Variants in TMEM116 observed in about 807,000 individuals in gnomAD.
TMEM116 encodes the protein transmembrane protein 116.
A neutral mutation model predicts 44.3 loss-of-function variants in TMEM116; 38 were observed. That is an observed-to-expected ratio of 0.86 (90% CI 0.66 to 1.12). The LOEUF (loss-of-function observed/expected upper bound fraction) is 1.12. Ranked by LOEUF, TMEM116 falls within the 50% of genes most tolerant of loss-of-function variation. The pLI, the probability that TMEM116 is intolerant of heterozygous loss-of-function variation, is 0.00. For synonymous variants in TMEM116, 132 were observed against 144.8 expected (o/e 0.91, Z 0.64); for missense variants, 354 against 401.7 (o/e 0.88, Z 1.01).
intron 4 of TMEM116, among the ~76,000 whole-genome samples, chr12:111,989,972 C>T (rs1305559070): frequency 2.0e-5 from 3 of 152,022 alleles, no homozygotes; most frequent in African/African-American, 7.2e-5. Context: ...AATAAAGTAA[C>T]AGGCCGGGTG....
At position 111,945,942 on chromosome 12, in the gene TMEM116, C is replaced by G. The variant is rs200684073; in HGVS notation, c.211-2573G>C. On this transcript the variant is annotated intron_variant, in intron 4 of 10. Transcript: ENST00000552374. ...ATTCAACACTTTATTATAAAATAGG[C>G]TTTGTGTTTTGCCCAACTGTAGGCT... Among the ~76,000 whole-genome samples, 6 of 152,100 alleles carry G rather than the reference C, an allele frequency of 3.9e-5. No individual in the cohort carries two copies. The East Asian group carries it at 1.2e-3, about 29-fold the overall frequency.
rs529007806 is a variant in TMEM116, at chr12:112,003,947, C to T, written c.15-84G>A. The T allele has an allele frequency of 5.7e-6, 8 of 1,408,354 alleles. No individual in the cohort carries two copies. In the South Asian group the frequency reaches 1.1e-4, roughly 19 times the overall value. 87.2% of individuals were successfully genotyped at this position (1,408,354 alleles called of 1,614,324 possible). On this transcript the variant is annotated intron_variant, in intron 2 of 10. Transcript: ENST00000552374. ...TGTTATTAATTTTGGGTTTTTTTTA[C>T]AGTTTTATTGGCATAATTGATATAA... is the stretch of plus-strand genomic sequence containing the variant.
intron 4 of TMEM116, among the ~76,000 whole-genome samples, chr12:111,949,571 T>C (rs1291242049): frequency 6.6e-6 from 1 of 152,218 alleles, no homozygotes; most frequent in Non-Finnish European, 1.5e-5. Flanking sequence ...ACTAAACTAT[T>C]TTACAAACAA....
chr12:112,004,033 T>A (rs1383342056), intron 2 of TMEM116, among the ~76,000 whole-genome samples, 170 bp from the exon 3 acceptor site: 1 of 152,146 alleles, frequency 6.6e-6, no homozygotes. Context: ...CAGGCTGGAG[T>A]GCAGTGGTGT....
intron 4 of TMEM116, among the ~76,000 whole-genome samples, chr12:111,988,714 G>T (rs1403365647): frequency 2.0e-5 from 3 of 150,032 alleles, no homozygotes; most frequent in African/African-American, 7.4e-5. Flanking sequence ...CGAACAGGCC[G>T]GGCGCGGTGG....
At chr12:111,969,641 T>C (rs921098285) in intron 4 of TMEM116, among the ~76,000 whole-genome samples, 8 of 151,848 alleles carry the variant, frequency 5.3e-5, no homozygotes, top group African/African-American at 1.9e-4. Flanking sequence ...GCAATGGTGC[T>C]ATCTTGGCTC....
chr12:111,942,205 T>C (rs1018413077), intron 5 of TMEM116, among the ~76,000 whole-genome samples: 6 of 152,194 alleles, frequency 3.9e-5, no homozygotes, highest in Admixed American at 6.5e-5. Flanking sequence ...CCCAGAGTGC[T>C]AGGATTACAG....
intron 4 of TMEM116, among the ~76,000 whole-genome samples, chr12:111,982,680 G>A (rs1383398291): frequency 6.6e-6 from 1 of 151,964 alleles, no homozygotes; most frequent in African/African-American, 2.4e-5. Context: ...CAGATACTGG[G>A]GAATCTAGAA....
chr12:111,933,845 C>G, intron 9 of TMEM116, 41 bp downstream of exon 9: 1 of 1,610,042 alleles, frequency 6.2e-7, no homozygotes, highest in South Asian at 1.1e-5. Context: ...AACCTAATAA[C>G]TGCCCTCTTC....
intron 4 of TMEM116, among the ~76,000 whole-genome samples, chr12:111,972,734 C>T (rs1274364353): frequency 6.6e-6 from 1 of 152,194 alleles, no homozygotes; most frequent in Middle Eastern, 3.4e-3. Flanking sequence ...CAAAAATTAG[C>T]CAGGTGTGGT....
chr12:111,937,084 G>T, intron 7 of TMEM116, 76 bp downstream of exon 7: 1 of 1,369,106 alleles, frequency 7.3e-7, no homozygotes, highest in Non-Finnish European at 1.0e-6. Flanking sequence ...TATGTGGAAA[G>T]TCTTTTTCCA....
intron 8 of TMEM116, chr12:111,935,744 G>A (rs1320337506): frequency 1.3e-5 from 2 of 151,604 alleles, no homozygotes; most frequent in Non-Finnish European, 2.9e-5. Flanking sequence ...GGGTTCAAGC[G>A]ATTCTCATGC....
intron 4 of TMEM116, among the ~76,000 whole-genome samples, chr12:111,948,074 G>A (rs1024057540): frequency 5.3e-5 from 8 of 152,048 alleles, no homozygotes; most frequent in East Asian, 3.8e-4. Flanking sequence ...AAAACTGGTC[G>A]GGCCAAGGAT....
chr12:112,010,650 T>C (rs1159994035), intron 1 of TMEM116: 1 of 152,484 alleles, frequency 6.6e-6, no homozygotes, highest in African/African-American at 2.4e-5. Flanking sequence ...AGGTTGTCTC[T>C]GCAGCTGTCA....
chr12:111,981,823 T>C (rs768460620), intron 4 of TMEM116, among the ~76,000 whole-genome samples: 6 of 152,206 alleles, frequency 3.9e-5, no homozygotes, highest in South Asian at 2.1e-4. Context: ...AAATATGTTA[T>C]ATATACATAA....
At chr12:111,945,640 G>C (rs538129777) in intron 4 of TMEM116, among the ~76,000 whole-genome samples, 1 of 152,128 alleles carries the variant, frequency 6.6e-6, no homozygotes, top group South Asian at 2.1e-4. Flanking sequence ...GAGAGACTCA[G>C]GACTCATCTT....
At chr12:111,999,596 C>A (rs145649090) in intron 3 of TMEM116, among the ~76,000 whole-genome samples, 4 of 150,274 alleles carry the variant, frequency 2.7e-5, no homozygotes, top group Non-Finnish European at 4.4e-5. Context: ...GAGACTCCAT[C>A]TCAAAAAAAA....
intron 4 of TMEM116, among the ~76,000 whole-genome samples, chr12:111,977,371 T>C (rs887793407): frequency 4.6e-5 from 7 of 152,162 alleles, no homozygotes; most frequent in African/African-American, 1.7e-4. Context: ...CAGTATCCAG[T>C]AAAATTATTC....
chr12:111,974,669 G>A (rs993128984), intron 4 of TMEM116, among the ~76,000 whole-genome samples: 39 of 143,424 alleles, frequency 2.7e-4, no homozygotes, highest in Non-Finnish European at 2.5e-4. Context: ...AAAAAAAAAA[G>A]AAAAGAAAAG....
Sources: allele counts gnomAD v4.1 joint callset (sites outside exome capture counted in the v4.1 genomes callset), GRCh38; gene constraint gnomAD v4.1.1; transcripts MANE v1.5; gene names NCBI Gene and HGNC (gene_info 2026-07-23, HGNC 2026-07-21).